Variants in ZDBF2 observed in about 807,000 individuals in gnomAD.
ZDBF2 encodes zinc finger DBF-type containing 2.
Under a neutral mutation model 9.4 loss-of-function variants are expected in ZDBF2, and 6 were observed. The observed-to-expected ratio is 0.64, with a 90% CI of 0.35 to 1.27. ZDBF2 has a LOEUF of 1.27. Ranked by LOEUF, ZDBF2 falls within the 50% of genes most tolerant of loss-of-function variation. The probability of loss-of-function intolerance (pLI) is 0.03; values close to 1 mark genes in which losing one functional copy is unlikely to be tolerated. For missense variants in ZDBF2, 2,697 were observed against 2,766.8 expected, an observed-to-expected ratio of 0.97 and a Z score of 0.57; for synonymous variants, 905 against 946.3, an observed-to-expected ratio of 0.96 and a Z score of 0.80.
At chr2:206,284,116 A>G (rs1691477386) in intron 3 of ZDBF2, among the ~76,000 whole-genome samples, 1 of 151,836 alleles carries the variant, frequency 6.6e-6, no homozygotes, top group African/African-American at 2.4e-5. Flanking sequence ...TTACTCTTAC[A>G]TTTAGGTCTT....
rs754143481 is a variant in ZDBF2, at chr2:206,308,848, T to C, written c.4320T>C (p.Asn1440=). The change falls in exon 5 of 5, where the codon AAT becomes AAC. Residue 1440 remains asparagine (N), a synonymous_variant. Transcript: ENST00000374423. The part of the protein sequence containing the change: ...KEINLQKKDH[N]DLENKNCEVC... Reference sequence around the variant, plus strand: ...TAAACTTGCAAAAGAAGGATCATAATGATCTAGAAAATAAGAACTGTGAAG... The same window carrying C: ...TAAACTTGCAAAAGAAGGATCATAACGATCTAGAAAATAAGAACTGTGAAG... 7.4e-6 allele frequency: 12 copies of C among 1,613,632 alleles called. No homozygotes were observed. The highest frequency in any genetic ancestry group is 1.0e-5 in the Non-Finnish European group (12 of 1,179,804).
intron 3 of ZDBF2, among the ~76,000 whole-genome samples, chr2:206,285,902 G>A (rs1284514150): frequency 6.6e-6 from 1 of 152,168 alleles, no homozygotes; most frequent in Non-Finnish European, 1.5e-5. Context: ...TATTAAAGAA[G>A]CTGTTCTTTC....
Position 206,310,269 on chromosome 2 carries a change from A to G in ZDBF2, c.5741A>G (p.Asp1914Gly), listed in dbSNP as rs553325777. The G allele has an allele frequency of 2.5e-5, 41 of 1,613,956 alleles. No individual in the cohort carries two copies. Among genetic ancestry groups the G allele is most frequent in the Middle Eastern group, 3.3e-4 (2 of 6,062 alleles). Residue 1914 changes from aspartate (D) to glycine (G), a missense_variant, in exon 5 of 5, where the codon GAT becomes GGT. By Grantham distance (94) the Asp-to-Gly change is moderately conservative. Transcript: ENST00000374423. ...ATTGATGACTTGTCAGTGGCCTTAG[A>G]TAAACCATGCCATCGTCATCCTCCA... ...SDIDDLSVAL[D>G]KPCHRHPPAE...
chr2:206,310,872 G>A lies in ZDBF2; in HGVS notation c.6344G>A (p.Gly2115Glu). 2 of 1,613,918 alleles carry A rather than the reference G, an allele frequency of 1.2e-6. No individual in the cohort carries two copies. The highest frequency in any genetic ancestry group is 1.7e-6 in the Non-Finnish European group (2 of 1,179,872). Residue 2115 changes from glycine to glutamate, a missense_variant, in exon 5 of 5, where the codon GGA (glycine) becomes GAA (glutamate). Coordinates refer to ENST00000374423, the MANE Select transcript of ZDBF2 (RefSeq NM_020923.3). ...TTAATGGCAGTGCCGGCAAGATATGGATTTAATTCACATCAGGGAACCAGT... is the reference window on the plus strand; with the variant it reads ...TTAATGGCAGTGCCGGCAAGATATGAATTTAATTCACATCAGGGAACCAGT... ...APLMAVPARYGFNSHQGTSDS... is the reference protein window; with the variant it reads ...APLMAVPARYEFNSHQGTSDS...
chr2:206,296,506 T>C (rs1692186589), intron 3 of ZDBF2, among the ~76,000 whole-genome samples: 1 of 152,240 alleles, frequency 6.6e-6, no homozygotes, highest in Admixed American at 6.5e-5. Flanking sequence ...GTGTGTAGTT[T>C]ATAAATTAAT....
chr2:206,303,042 A>G (rs1469964956), intron 4 of ZDBF2, among the ~76,000 whole-genome samples: 1 of 152,106 alleles, frequency 6.6e-6, no homozygotes, highest in East Asian at 1.9e-4. Context: ...GTTATAAGTA[A>G]TGAACTGATA....
At chr2:206,303,945 C>T (rs948470906) in intron 4 of ZDBF2, among the ~76,000 whole-genome samples, 8 of 151,458 alleles carry the variant, frequency 5.3e-5, no homozygotes, top group African/African-American at 1.9e-4. Flanking sequence ...TTAACCAGTA[C>T]CCAGTTACTG....
At chr2:206,281,962 T>C in intron 3 of ZDBF2, 53 bp downstream of exon 3, 1 of 1,448,306 alleles carries the variant, frequency 6.9e-7, no homozygotes, top group Non-Finnish European at 9.5e-7. Context: ...GTTGTGACTT[T>C]CTCTTACATT....
intron 1 of ZDBF2, among the ~76,000 whole-genome samples, chr2:206,278,417 G>C (rs1003398577): frequency 2.6e-5 from 4 of 152,140 alleles, no homozygotes; most frequent in Admixed American, 6.5e-5. Context: ...AAGCTCCTTT[G>C]AGTAGGAGAG....
intron 3 of ZDBF2, among the ~76,000 whole-genome samples, chr2:206,291,478 C>A (rs1691895901): frequency 6.6e-6 from 1 of 152,180 alleles, no homozygotes; most frequent in Admixed American, 6.5e-5. Context: ...CTCACTGTGT[C>A]CTCCTGTAGC....
chr2:206,286,642 T>C (rs1385501248), intron 3 of ZDBF2, among the ~76,000 whole-genome samples: 1 of 152,172 alleles, frequency 6.6e-6, no homozygotes, highest in Non-Finnish European at 1.5e-5. Context: ...GATATCCTTC[T>C]GCCTCAGCCT....
chr2:206,297,138 C>T, intron 3 of ZDBF2, 108 bp from the exon 4 acceptor site: 2 of 513,606 alleles, frequency 3.9e-6, no homozygotes, highest in Non-Finnish European at 6.9e-6. Context: ...TATAGAAAAG[C>T]TTTCAATTCA....
intron 1 of ZDBF2, among the ~76,000 whole-genome samples, chr2:206,278,231 A>T (rs1273185179): frequency 2.0e-5 from 3 of 152,228 alleles, no homozygotes; most frequent in Admixed American, 6.5e-5. Context: ...ATAAAAATTA[A>T]TAAAAGTCAT....
chr2:206,298,956 C>T (rs974203370), intron 4 of ZDBF2, among the ~76,000 whole-genome samples: 3 of 152,016 alleles, frequency 2.0e-5, no homozygotes, highest in African/African-American at 7.2e-5. Flanking sequence ...TCTTGGCTCA[C>T]TGCAACCTCC....
intron 3 of ZDBF2, among the ~76,000 whole-genome samples, chr2:206,289,547 C>T (rs751703244): frequency 5.7e-4 from 87 of 152,198 alleles, no homozygotes; most frequent in Non-Finnish European, 7.4e-4. Context: ...GTGAGGCCAC[C>T]GGGCTGGGAT....
chr2:206,282,637 C>T (rs1470942844), intron 3 of ZDBF2, among the ~76,000 whole-genome samples: 1 of 152,118 alleles, frequency 6.6e-6, no homozygotes, highest in Admixed American at 6.6e-5. Context: ...GTTAAATCGT[C>T]TACTTTGTGT....
At chr2:206,301,894 T>C in intron 4 of ZDBF2, among the ~76,000 whole-genome samples, 1 of 152,124 alleles carries the variant, frequency 6.6e-6, no homozygotes, top group African/African-American at 2.4e-5. Context: ...TTAATGGAAG[T>C]ATTTAAAAAT....
intron 1 of ZDBF2, among the ~76,000 whole-genome samples, chr2:206,275,217 C>T (rs1185762012): frequency 6.6e-6 from 1 of 152,138 alleles, no homozygotes; most frequent in Non-Finnish European, 1.5e-5. Flanking sequence ...TGTCCGGGGC[C>T]CTGGGTCAGA....
At chr2:206,281,364 T>C (rs1691307331) in intron 2 of ZDBF2, among the ~76,000 whole-genome samples, 1 of 152,196 alleles carries the variant, frequency 6.6e-6, no homozygotes, top group Non-Finnish European at 1.5e-5. Context: ...ATGTGGTGTC[T>C]TTACACTCAT....
Sources: allele counts gnomAD v4.1 joint callset (sites outside exome capture counted in the v4.1 genomes callset), GRCh38; gene constraint gnomAD v4.1.1; transcripts MANE v1.5; gene names NCBI Gene and HGNC (gene_info 2026-07-23, HGNC 2026-07-21).